Variants in TENM4 observed in about 807,000 individuals in gnomAD.
TENM4 encodes the protein teneurin transmembrane protein 4, also known as teneurin-4.
TENM4 carries 82 observed loss-of-function variants against 243.3 expected under a neutral mutation model. The observed-to-expected ratio is 0.34, with a 90% CI of 0.28 to 0.40. TENM4 has a LOEUF of 0.40. Among genes scored for constraint, TENM4 ranks in the 10% least tolerant of loss-of-function variants. TENM4 has a pLI of 1.00. For synonymous variants in TENM4, 1,412 were observed against 1,456.3 expected (o/e 0.97, Z 0.69); for missense variants, 3,138 against 3,673.3 (o/e 0.85, Z 3.77).
intron 28 of TENM4, among the ~76,000 whole-genome samples, chr11:78,690,851 G>A (rs1378251445): frequency 2.0e-5 from 3 of 152,148 alleles, no homozygotes; most frequent in Non-Finnish European, 4.4e-5. Flanking sequence ...CTGACTCTTT[G>A]AACACCTGTA....
At chr11:79,406,445 G>A (rs1401717336) in intron 1 of TENM4, among the ~76,000 whole-genome samples, 3 of 152,188 alleles carry the variant, frequency 2.0e-5, no homozygotes, top group Non-Finnish European at 2.9e-5. Context: ...TAAACAGGGA[G>A]ATGAACAAGC....
chr11:78,967,812 G>C (rs620777), intron 6 of TENM4, among the ~76,000 whole-genome samples: 1 of 152,186 alleles, frequency 6.6e-6, no homozygotes, highest in South Asian at 2.1e-4. Flanking sequence ...ACAACCAAGA[G>C]GACCAGTGAA....
At chr11:79,250,077 C>T (rs867767316) in intron 2 of TENM4, among the ~76,000 whole-genome samples, 3 of 152,132 alleles carry the variant, frequency 2.0e-5, no homozygotes, top group Admixed American at 2.0e-4. Flanking sequence ...CCTCTGTCTC[C>T]CCTGTTCAAG....
chr11:79,118,617 T>C (rs959397030), intron 4 of TENM4, among the ~76,000 whole-genome samples: 1 of 152,192 alleles, frequency 6.6e-6, no homozygotes, highest in African/African-American at 2.4e-5. Context: ...TGAATTTGAC[T>C]ACTCTAGGTA....
chr11:79,238,559 G>A (rs966506000), intron 2 of TENM4, among the ~76,000 whole-genome samples: 2 of 152,134 alleles, frequency 1.3e-5, no homozygotes, highest in African/African-American at 4.8e-5. Context: ...AGGCCTTAGG[G>A]TTTGGGCCAG....
In TENM4 at chr11:78,756,964, T is replaced by G; in HGVS notation, c.2597A>C (p.Asn866Thr). 8 of 1,613,896 alleles carry G rather than the reference T, an allele frequency of 5.0e-6. No individual in the cohort carries two copies. The highest frequency in any genetic ancestry group is 6.8e-6 in the Non-Finnish European group (8 of 1,179,848). The change falls in exon 19 of 34, where the codon AAC (asparagine) becomes ACC (threonine). Residue 866 changes from asparagine (N) to threonine (T), a missense_variant. Physicochemically the swap from Asn to Thr is moderately conservative, Grantham distance 65. This residue lies in a region of TENM4 where 2,467 missense variants were observed against 3,059.1 expected (regional missense o/e 0.81). Transcript: ENST00000278550. ...DCCLQPLCHI[N>T]PLCLGSPNPL... is the part of the protein sequence containing the mutation. ...GTTAGGGGAGCCAAGGCACAGCGGG[T>G]TGATATGGCACAGGGGCTGGAGGCA...
chr11:79,205,963 A>G (rs906291679), intron 3 of TENM4, among the ~76,000 whole-genome samples: 5 of 152,270 alleles, frequency 3.3e-5, no homozygotes, highest in African/African-American at 1.2e-4. Context: ...TGCTAAGGCC[A>G]AGGCCATGGG....
intron 6 of TENM4, among the ~76,000 whole-genome samples, chr11:79,056,857 AGGTAGC>A: frequency 6.6e-6 from 1 of 152,244 alleles, no homozygotes; most frequent in Non-Finnish European, 1.5e-5. Flanking sequence ...AACTGGGCCA[AGGTAGC>A]TGTGAGGCTG....
intron 3 of TENM4, among the ~76,000 whole-genome samples, chr11:79,187,706 A>G (rs1863404225): frequency 6.6e-6 from 1 of 152,194 alleles, no homozygotes; most frequent in African/African-American, 2.4e-5. Flanking sequence ...TAATTAAGGT[A>G]AAATGAGGTC....
chr11:79,210,229 G>T (rs1207382729), intron 3 of TENM4, among the ~76,000 whole-genome samples: 2 of 152,152 alleles, frequency 1.3e-5, no homozygotes, highest in Non-Finnish European at 2.9e-5. Flanking sequence ...GATGAACAGG[G>T]CCTGACCATG....
intron 1 of TENM4, among the ~76,000 whole-genome samples, chr11:79,322,985 C>A (rs373321816): frequency 6.6e-5 from 10 of 152,276 alleles, no homozygotes; most frequent in African/African-American, 2.4e-4. Flanking sequence ...GGAGAAAGCT[C>A]CATGGCTGGT....
intron 26 of TENM4, among the ~76,000 whole-genome samples, chr11:78,710,806 T>G (rs1859379602): frequency 6.6e-6 from 1 of 152,218 alleles, no homozygotes; most frequent in African/African-American, 2.4e-5. Context: ...AATCATAGGC[T>G]TTTGGGTAAA....
intron 5 of TENM4, 44 bp from the exon 6 acceptor site, chr11:79,065,051 G>GGTCTGC: frequency 2.1e-6 from 3 of 1,439,838 alleles, no homozygotes; most frequent in Non-Finnish European, 2.7e-6. Context: ...ACTGAGATGA[G>GGTCTGC]GTCTGCGTCT....
At chr11:79,069,234 G>A (rs762086334) in intron 5 of TENM4, among the ~76,000 whole-genome samples, 1 of 152,262 alleles carries the variant, frequency 6.6e-6, no homozygotes, top group Middle Eastern at 3.4e-3. Context: ...GTCACACAGG[G>A]CTTGACACAA....
intron 15 of TENM4, among the ~76,000 whole-genome samples, chr11:78,796,771 A>G (rs1857169962): frequency 6.6e-6 from 1 of 152,176 alleles, no homozygotes; most frequent in South Asian, 2.1e-4. Flanking sequence ...CAAGCTACTC[A>G]TCTTTCCTAG....
chr11:79,106,236 C>T (rs1265272297), intron 4 of TENM4, among the ~76,000 whole-genome samples: 2 of 152,204 alleles, frequency 1.3e-5, no homozygotes, highest in Non-Finnish European at 2.9e-5. Context: ...GCATAGCTAC[C>T]TAGATGAGGG....
At chr11:78,784,420 G>A (rs1790544) in intron 16 of TENM4, among the ~76,000 whole-genome samples, 1 of 152,036 alleles carries the variant, frequency 6.6e-6, no homozygotes, top group Non-Finnish European at 1.5e-5. Flanking sequence ...CACGAGGGTG[G>A]TGAGTTTCTC....
chr11:78,926,595 A>G (rs904417819), intron 6 of TENM4, among the ~76,000 whole-genome samples: 2 of 151,684 alleles, frequency 1.3e-5, no homozygotes, highest in African/African-American at 4.8e-5. Flanking sequence ...TTTATTATAA[A>G]CCTTTTACTA....
intron 6 of TENM4, among the ~76,000 whole-genome samples, chr11:79,049,711 A>T (rs2117700): frequency 0.92 from 139,703 of 152,264 alleles, 64,847 homozygotes; most frequent in Non-Finnish European, 0.98. Flanking sequence ...CTTCCGGGAG[A>T]TTGGAATTTG....
Sources: gnomAD v4.1 joint callset for allele counts (sites outside exome capture counted in the v4.1 genomes callset) on GRCh38, gnomAD v4.1.1 for gene constraint, gnomAD v4.1.1 regional missense constraint, MANE v1.5 for transcripts, NCBI Gene and HGNC (gene_info 2026-07-23, HGNC 2026-07-21) for gene names.